PDE3A: variants seen among roughly 807,000 people sequenced by gnomAD.
PDE3A encodes the protein cGMP-inhibited 3',5'-cyclic phosphodiesterase 3A.
A neutral mutation model predicts 98.3 loss-of-function variants in PDE3A; 43 were observed. That is an observed-to-expected ratio of 0.44 (90% confidence interval 0.34 to 0.56). PDE3A has a LOEUF of 0.56. Ranked by LOEUF, PDE3A falls within the 20% of genes least tolerant of loss-of-function variation. PDE3A has a pLI of 0.01. For synonymous variants in PDE3A, 663 were observed against 567.9 expected, an observed-to-expected ratio of 1.17 and a Z score of -2.38; for missense variants, 1,427 against 1,440.7, an observed-to-expected ratio of 0.99 and a Z score of 0.15.
At chr12:20,565,603 G>A (rs1942636843) in intron 2 of PDE3A, among the ~76,000 whole-genome samples, 1 of 151,842 alleles carries the variant, frequency 6.6e-6, no homozygotes, top group Admixed American at 6.6e-5. Flanking sequence ...GAGTAGTAAG[G>A]ACAGTTAACT....
intron 1 of PDE3A, among the ~76,000 whole-genome samples, chr12:20,455,127 AC>A (rs1435748062): frequency 2.0e-5 from 3 of 152,070 alleles, no homozygotes; most frequent in Admixed American, 2.0e-4. Flanking sequence ...AGCATCTGTT[AC>A]TTTTTGACTT....
chr12:20,583,360 A>G (rs550913685), intron 2 of PDE3A, among the ~76,000 whole-genome samples: 1 of 152,342 alleles, frequency 6.6e-6, no homozygotes, highest in East Asian at 1.9e-4. Flanking sequence ...AAATTTAACT[A>G]TATAATCTTC....
intron 5 of PDE3A, among the ~76,000 whole-genome samples, chr12:20,629,556 C>T (rs1342430019): frequency 6.6e-6 from 1 of 152,154 alleles, no homozygotes; most frequent in Non-Finnish European, 1.5e-5. Flanking sequence ...AAAGTAAACA[C>T]ATGAGAAAAT....
In PDE3A at chr12:20,371,498, A is replaced by G. The variant is rs570027741; in HGVS notation, c.960+1254A>G. ...AAAGTAAGCTTTTTCTTTTTAGGTT[A>G]TTCTGTGGATAATCATTTGGGTATT... On this transcript the variant is annotated intron_variant, in intron 1 of 15. Transcript: ENST00000359062. The G allele has an allele frequency of 2.0e-4, 197 of 968,554 alleles. 2 individuals are homozygous for G. The South Asian group carries it at 6.7e-3, about 33-fold the overall frequency. 60.0% of individuals were successfully genotyped at this position (968,554 alleles called of 1,614,324 possible).
At chr12:20,548,870 C>T (rs74364085) in intron 1 of PDE3A, among the ~76,000 whole-genome samples, 5,271 of 152,222 alleles carry the variant, frequency 0.035, 123 homozygotes, top group Middle Eastern at 0.068. Context: ...TTGACTTTCT[C>T]TTTGAAATAA....
intron 1 of PDE3A, among the ~76,000 whole-genome samples, chr12:20,399,407 TAGAA>T (rs1944079887): frequency 6.6e-6 from 1 of 152,174 alleles, no homozygotes; most frequent in Non-Finnish European, 1.5e-5. Flanking sequence ...TTTTAAAAAC[TAGAA>T]CACCTTCTTA....
At chr12:20,469,628 G>C (rs1945402166) in intron 1 of PDE3A, among the ~76,000 whole-genome samples, 1 of 152,162 alleles carries the variant, frequency 6.6e-6, no homozygotes, top group South Asian at 2.1e-4. Context: ...ACCTGTTTCA[G>C]TTTAAAAACA....
At chr12:20,456,271 A>T (rs2120906717) in intron 1 of PDE3A, among the ~76,000 whole-genome samples, 1 of 152,238 alleles carries the variant, frequency 6.6e-6, no homozygotes, top group Admixed American at 6.5e-5. Context: ...AAAATACATA[A>T]GCAGGTAGAA....
chr12:20,661,245 A>G (rs982603512), intron 15 of PDE3A, among the ~76,000 whole-genome samples: 1 of 152,216 alleles, frequency 6.6e-6, no homozygotes, highest in Non-Finnish European at 1.5e-5. Flanking sequence ...ATTTCTAAGC[A>G]GCAAAGCATT....
rs1469117443 is a variant in PDE3A at position 20,627,629 on chromosome 12, C to T, written c.1541-2279C>T. On this transcript the variant is annotated intron_variant, in intron 5 of 15. Transcript: ENST00000359062. ...ACCTTATCTAAAGAGCATTTCTGTT[C>T]TTCCCTGCCTTCTACTCTGTGCATT... Among the ~76,000 whole-genome samples the T allele has an allele frequency of 2.0e-5, 3 of 149,312 alleles. 1 individual carries two copies. Among genetic ancestry groups the T allele is most frequent in the South Asian group, 4.3e-4 (2 of 4,658 alleles).
chr12:20,550,830 A>G (rs1360756288), intron 1 of PDE3A, among the ~76,000 whole-genome samples: 2 of 151,956 alleles, frequency 1.3e-5, no homozygotes, highest in Non-Finnish European at 2.9e-5. Context: ...TTGGAAGCCA[A>G]ATTTTAATTG....
chr12:20,492,788 G>A (rs1379326938), intron 1 of PDE3A, among the ~76,000 whole-genome samples: 4 of 152,102 alleles, frequency 2.6e-5, no homozygotes, highest in African/African-American at 9.7e-5. Flanking sequence ...TTACTGTCAT[G>A]GGCTGAATCC....
rs1945941360 is a variant in PDE3A at position 20,685,651 on chromosome 12, G to C, written c.*5380G>C. Among the ~76,000 whole-genome samples the C allele has an allele frequency of 6.6e-6, 1 of 152,098 alleles. No homozygotes were observed. Among genetic ancestry groups the C allele is most frequent in the African/African-American group, 2.4e-5 (1 of 41,448 alleles). ...AAAAGGAATCCACATTTTCTTTCCAGATACAGCTAGTTTTTCTCCACATGT... is the reference window on the plus strand; with the variant it reads ...AAAAGGAATCCACATTTTCTTTCCACATACAGCTAGTTTTTCTCCACATGT... On this transcript the variant is annotated 3_prime_UTR_variant, in exon 16 of 16. Transcript: ENST00000359062.
At chr12:20,643,690 T>C (rs1024659838) in intron 10 of PDE3A, among the ~76,000 whole-genome samples, 1 of 152,172 alleles carries the variant, frequency 6.6e-6, no homozygotes, top group African/African-American at 2.4e-5. Flanking sequence ...TAAATATACA[T>C]ACTGTCTTTA....
chr12:20,589,687 T>C (rs565932301), intron 2 of PDE3A, among the ~76,000 whole-genome samples: 1 of 151,250 alleles, frequency 6.6e-6, no homozygotes, highest in African/African-American at 2.4e-5. Context: ...GCTAACACGG[T>C]GAAACCCCAT....
At chr12:20,642,891 G>A (rs2121514199) in intron 10 of PDE3A, among the ~76,000 whole-genome samples, 1 of 152,176 alleles carries the variant, frequency 6.6e-6, no homozygotes, top group South Asian at 2.1e-4. Flanking sequence ...TTACCCTATG[G>A]TGCATAGGAG....
intron 1 of PDE3A, among the ~76,000 whole-genome samples, chr12:20,436,351 A>G (rs1298126534): frequency 6.6e-6 from 1 of 152,166 alleles, no homozygotes; most frequent in African/African-American, 2.4e-5. Context: ...AAAACAAAAA[A>G]AACTATGCTG....
intron 1 of PDE3A, among the ~76,000 whole-genome samples, chr12:20,542,224 G>T (rs1014028164): frequency 1.3e-5 from 2 of 151,904 alleles, no homozygotes; most frequent in Non-Finnish European, 2.9e-5. Flanking sequence ...TTGGAAAAAC[G>T]TAACTTTCAC....
At chr12:20,659,196 T>C (rs11045371) in intron 15 of PDE3A, among the ~76,000 whole-genome samples, 82,082 of 151,906 alleles carry the variant, frequency 0.54, 23,225 homozygotes, top group East Asian at 0.73. Context: ...TGTGTTCATT[T>C]CCCTCAGCAC....
Sources: allele counts gnomAD v4.1 joint callset (sites outside exome capture counted in the v4.1 genomes callset), GRCh38; gene constraint gnomAD v4.1.1; transcripts MANE v1.5; gene names NCBI Gene and HGNC (gene_info 2026-07-23, HGNC 2026-07-21).